SF3A1: variants seen among roughly 807,000 people sequenced by gnomAD.
SF3A1 encodes the protein splicing factor 3a subunit 1, also known as SAP 114.
SF3A1 carries 13 observed loss-of-function variants against 89.9 expected under a neutral mutation model. The observed-to-expected ratio is 0.14, with a 90% CI of 0.09 to 0.23. The LOEUF is 0.23. Ranked by LOEUF, SF3A1 falls within the 10% of genes least tolerant of loss-of-function variation. The pLI is 1.00. For synonymous variants in SF3A1, 405 were observed against 374.4 expected (o/e 1.08, Z -0.94); for missense variants, 604 against 1,022.1 (o/e 0.59, Z 5.58).
At chr22:30,343,028 G>A in intron 4 of SF3A1, 149 bp from the exon 5 acceptor site, 4 of 542,948 alleles carry the variant, frequency 7.4e-6, no homozygotes, top group Admixed American at 3.3e-5. Context: ...TGGGACTTAG[G>A]GCAAGTTACT....
chr22:30,338,674 T>G lies in SF3A1; in HGVS notation c.1743+115A>C, dbSNP rs953012886. ...TTAAAGGGCTCTTTCTCTTTCAAAC[T>G]GACCCACCCAACACTCAGGCCCCAC... is the stretch of plus-strand genomic sequence containing the variant. On this transcript the variant is annotated intron_variant, in intron 11 of 15. Transcript: ENST00000215793. The G allele has an allele frequency of 1.6e-5, 21 of 1,321,014 alleles. No individual in the cohort carries two copies. The Admixed American group carries it at 2.7e-4, about 17-fold the overall frequency. The allele number at this position is 1,321,014 out of a possible 1,614,324, so 81.8% of individuals were successfully genotyped here.
chr22:30,335,471 T>C lies in SF3A1; in HGVS notation c.2276A>G (p.Tyr759Cys), dbSNP rs775755543. ...TCTGTGGACAAACTGACTCACCTCA[T>C]ACTGTAGCTTCTGTTTCCCTGCAGG... ...GMPAGKQKLQ[Y>C]EGIFIKDSNS... Residue 759 changes from tyrosine (Y) to cysteine (C), a missense_variant, in exon 15 of 16, where the codon TAT becomes TGT. Physicochemically the swap from Tyr to Cys is radical, Grantham distance 194. This residue lies in a region of SF3A1 where 74 missense variants were observed against 141.3 expected (regional missense o/e 0.52). Coordinates refer to ENST00000215793, the MANE Select transcript of SF3A1 (RefSeq NM_005877.6). The C allele has an allele frequency of 1.2e-5, 20 of 1,613,906 alleles. No individual in the cohort carries two copies. Among genetic ancestry groups the C allele is most frequent in the Non-Finnish European group, 1.4e-5 (17 of 1,179,864 alleles).
In SF3A1 at chr22:30,356,864, C is replaced by T; in HGVS notation, c.-72G>A. 1 of 1,227,152 alleles carries T rather than the reference C, an allele frequency of 8.1e-7. No homozygotes were observed. Among genetic ancestry groups the T allele is most frequent in the Non-Finnish European group, 1.0e-6 (1 of 965,216 alleles). The allele number at this position is 1,227,152 out of a possible 1,614,324, so 76.0% of individuals were successfully genotyped here. On this transcript the variant is annotated 5_prime_UTR_variant, in exon 1 of 16. Coordinates refer to ENST00000215793, the MANE Select transcript of SF3A1 (RefSeq NM_005877.6). ...GTGCCGCCTCAAGACAGCCTCCCCG[C>T]TCGGTCAGTACGACGAGCTCGCAAG...
intron 13 of SF3A1, among the ~76,000 whole-genome samples, chr22:30,336,404 A>G (rs145962391): frequency 1.3e-5 from 2 of 152,282 alleles, no homozygotes; most frequent in East Asian, 3.9e-4. Flanking sequence ...GCACACCTGT[A>G]ATCCCAGCTA....
chr22:30,337,028 T>G lies in SF3A1; in HGVS notation c.2104A>C (p.Lys702Gln). ...MPEEEFLRRN[K>Q]GPVSIKVQVP... is the part of the protein sequence containing the mutation. Reference sequence around the variant, plus strand: ...AGCAGCATTCTGGGATTACATACCTTGTTTCTGCGCAGGAACTCCTCCTCT... The same window carrying G: ...AGCAGCATTCTGGGATTACATACCTGGTTTCTGCGCAGGAACTCCTCCTCT... The change falls in exon 13 of 16, where the codon AAG becomes CAG. Residue 702 changes from lysine (K) to glutamine (Q), a missense_variant and splice_region_variant. Transcript: ENST00000215793. 1.2e-6 allele frequency: 2 copies of G among 1,614,170 alleles called. No individual in the cohort carries two copies. The highest frequency in any genetic ancestry group is 2.2e-5 in the South Asian group (2 of 91,080).
At chr22:30,344,317 A>G (rs1392368218) in intron 4 of SF3A1, among the ~76,000 whole-genome samples, 1 of 152,196 alleles carries the variant, frequency 6.6e-6, no homozygotes, top group Non-Finnish European at 1.5e-5. Context: ...TGCATACATA[A>G]TTTCTTAGTG....
In SF3A1 at chr22:30,332,898, A is replaced by G. The variant is rs1323412790; in HGVS notation, c.*1696T>C. On this transcript the variant is annotated 3_prime_UTR_variant, in exon 16 of 16. Transcript: ENST00000215793. ...AGTCTGTGGGGGTGAGTGCCCTAAC[A>G]CCATGAACTGCCCACTGCTCCCAGA... The G allele has an allele frequency of 6.6e-6, 1 of 152,222 alleles. No individual in the cohort carries two copies. Among genetic ancestry groups the G allele is most frequent in the Non-Finnish European group, 1.5e-5 (1 of 68,068 alleles). The allele number at this position is 152,222 out of a possible 1,614,324, so 9.4% of individuals were successfully genotyped here. A position where few individuals can be genotyped will look rare whatever the true frequency, so the allele number is the denominator to read the frequency against.
At position 30,353,123 on chromosome 22, in the gene SF3A1, G is replaced by C. The variant is rs746768555; in HGVS notation, c.64-51C>G. The stretch of plus-strand genomic sequence containing the variant: ...GTTTTAAAGTCCCTGGTTCAGAGCA[G>C]GTTCTCCACTGTAAAACTCCTCTAG... On this transcript the variant is annotated intron_variant, in intron 1 of 15. Coordinates refer to ENST00000215793, the MANE Select transcript of SF3A1 (RefSeq NM_005877.6). The C allele has an allele frequency of 3.7e-6, 6 of 1,601,014 alleles. No homozygotes were observed. In the South Asian group the frequency reaches 4.4e-5, roughly 12 times the overall value.
At position 30,344,839 on chromosome 22, in the gene SF3A1, T is replaced by C; in HGVS notation, c.651+94A>G. 12 of 1,418,044 alleles carry C rather than the reference T, an allele frequency of 8.5e-6. No individual in the cohort carries two copies. The South Asian group carries it at 1.3e-4, about 16-fold the overall frequency. 87.8% of individuals were successfully genotyped at this position (1,418,044 alleles called of 1,614,324 possible). On this transcript the variant is annotated intron_variant, in intron 4 of 15. Transcript: ENST00000215793. ...GCTCAGAGGCCCCATGGAGAAGCGA[T>C]GTCCTTGTAGACAGTGAGTGGACAC...
Position 30,335,770 on chromosome 22 carries a change from G to A in SF3A1, c.2107-17C>T. On this transcript the variant is annotated splice_polypyrimidine_tract_variant and intron_variant, in intron 13 of 15. Transcript: ENST00000215793. ...CACTGGACCCTACAAAACAGGAGGT[G>A]GTCATTATGCCTAGGGAGCTCGGAG... is the stretch of plus-strand genomic sequence containing the variant. 1 of 1,601,790 alleles carries A rather than the reference G, an allele frequency of 6.2e-7. No homozygotes were observed. Among genetic ancestry groups the A allele is most frequent in the East Asian group, 2.2e-5 (1 of 44,822 alleles).
chr22:30,354,238 T>C (rs1384055253), intron 1 of SF3A1, among the ~76,000 whole-genome samples: 1 of 152,196 alleles, frequency 6.6e-6, no homozygotes, highest in Non-Finnish European at 1.5e-5. Context: ...CTCCCACACC[T>C]TCCTCTGGCA....
chr22:30,342,097 G>A, intron 6 of SF3A1, 103 bp downstream of exon 6: 1 of 1,393,818 alleles, frequency 7.2e-7, no homozygotes, highest in South Asian at 1.2e-5. Flanking sequence ...CACTGATAAA[G>A]CCCTCTGAGA....
Position 30,339,402 on chromosome 22 carries a change from G to A in SF3A1, c.1376-151C>T, listed in dbSNP as rs1319805264. ...CCCAACTCTTGTCCTCTGGGCTCGG[G>A]GAAAGCTGCCCGATCTAAGCCTATA... On this transcript the variant is annotated intron_variant, in intron 9 of 15. Coordinates refer to ENST00000215793, the MANE Select transcript of SF3A1 (RefSeq NM_005877.6). 1.1e-5 allele frequency: 11 copies of A among 965,728 alleles called. No homozygotes were observed. The South Asian group carries it at 1.6e-4, about 14-fold the overall frequency. 59.8% of individuals were successfully genotyped at this position (965,728 alleles called of 1,614,324 possible). A position where few individuals can be genotyped will look rare whatever the true frequency, so the allele number is the denominator to read the frequency against.
intron 2 of SF3A1, among the ~76,000 whole-genome samples, chr22:30,348,711 T>C (rs1418325525): frequency 1.3e-5 from 2 of 152,132 alleles, no homozygotes; most frequent in East Asian, 3.9e-4. Flanking sequence ...AAAAAAATTC[T>C]CCCTACTCCT....
chr22:30,350,712 T>C (rs1429283108), intron 2 of SF3A1, among the ~76,000 whole-genome samples: 1 of 152,004 alleles, frequency 6.6e-6, no homozygotes, highest in East Asian at 1.9e-4. Flanking sequence ...AACAGAAAAA[T>C]GTGAAAACAG....
Position 30,342,897 on chromosome 22 carries a change from T to A in SF3A1, c.652-18A>T, listed in dbSNP as rs1274939313. ...ATCAAGATCTGAAATACAGAAGAGT[T>A]AAAGCAACTGTCAGTGCTTTACAAC... On this transcript the variant is annotated intron_variant, in intron 4 of 15. Coordinates refer to ENST00000215793, the MANE Select transcript of SF3A1 (RefSeq NM_005877.6). The A allele has an allele frequency of 6.4e-7, 1 of 1,552,992 alleles. No individual in the cohort carries two copies. The highest frequency in any genetic ancestry group is 1.1e-5 in the South Asian group (1 of 89,818).
intron 15 of SF3A1, 81 bp from the exon 16 acceptor site, chr22:30,334,776 T>C: frequency 1.0e-6 from 1 of 978,750 alleles, no homozygotes; most frequent in Non-Finnish European, 1.6e-6. Flanking sequence ...GTGCACTTGG[T>C]CTGTTTGCGC....
At chr22:30,342,727 C>CT (rs1455567048) in intron 5 of SF3A1, 78 bp downstream of exon 5, 9 of 951,172 alleles carry the variant, frequency 9.5e-6, no homozygotes, top group Non-Finnish European at 1.5e-5. Context: ...TAACAAGGTC[C>CT]TGCCTCAGAG....
At chr22:30,351,978 AG>A (rs1931609330) in intron 2 of SF3A1, among the ~76,000 whole-genome samples, 1 of 152,254 alleles carries the variant, frequency 6.6e-6, no homozygotes, top group South Asian at 2.1e-4. Context: ...TAAGGATGTG[AG>A]GGTAAGTACA....
Sources: gnomAD v4.1 joint callset for allele counts (sites outside exome capture counted in the v4.1 genomes callset) on GRCh38, gnomAD v4.1.1 for gene constraint, gnomAD v4.1.1 regional missense constraint, MANE v1.5 for transcripts, NCBI Gene and HGNC (gene_info 2026-07-23, HGNC 2026-07-21) for gene names.